Variants in PCDHGA9 observed in about 807,000 individuals in gnomAD.
PCDHGA9 encodes the protein protocadherin gamma subfamily A, 9.
Under a neutral mutation model 62.5 loss-of-function variants are expected in PCDHGA9, and 37 were observed. That is an observed-to-expected ratio of 0.59 (90% CI 0.46 to 0.78). PCDHGA9 has a LOEUF of 0.78. PCDHGA9 is among the 30% of genes least tolerant of loss of function. The pLI, the probability that PCDHGA9 is intolerant of heterozygous loss-of-function variation, is 0.00. For missense variants in PCDHGA9, 1,138 were observed against 1,166.2 expected (o/e 0.98, Z 0.35); for synonymous variants, 459 against 484.6 (o/e 0.95, Z 0.69).
At chr5:141,429,091 T>A (rs985605582) in intron 1 of PCDHGA9, 2 of 152,160 alleles carry the variant, frequency 1.3e-5, no homozygotes, top group African/African-American at 4.8e-5. Flanking sequence ...CCTGACCTCG[T>A]GATCTGCCCG....
intron 1 of PCDHGA9, chr5:141,421,453 T>G: frequency 1.2e-6 from 2 of 1,614,102 alleles, no homozygotes; most frequent in Middle Eastern, 1.6e-4. Context: ...GACACAGCTT[T>G]TCGCTGTGAA....
chr5:141,413,567 A>G (rs950241336), intron 1 of PCDHGA9: 2 of 1,613,936 alleles, frequency 1.2e-6, no homozygotes, highest in Admixed American at 1.7e-5. Context: ...ACTGATATCA[A>G]TGACAATGCT....
chr5:141,509,179 C>T (rs895281717), intron 3 of PCDHGA9, among the ~76,000 whole-genome samples: 1 of 152,172 alleles, frequency 6.6e-6, no homozygotes, highest in African/African-American at 2.4e-5. Flanking sequence ...TCCTCTTATG[C>T]CGGCTTGAAA....
At chr5:141,418,436 G>A in intron 1 of PCDHGA9, 1 of 1,614,000 alleles carries the variant, frequency 6.2e-7, no homozygotes. Flanking sequence ...CAAATATCCA[G>A]AATTAGTATT....
chr5:141,453,784 G>T (rs767312144), intron 1 of PCDHGA9, among the ~76,000 whole-genome samples: 47 of 152,298 alleles, frequency 3.1e-4, no homozygotes, highest in Non-Finnish European at 5.6e-4. Flanking sequence ...AGTTACCATG[G>T]TATATTAACT....
At position 141,403,020 on chromosome 5, in the gene PCDHGA9, T is replaced by A. The variant is rs761279674; in HGVS notation, c.68T>A (p.Leu23Gln). The part of the protein sequence containing the change: ...LVLLCSLLGM[L>Q]WEARASQIRY... ...CTGCTATGCTCGCTCCTGGGGATGCTATGGGAGGCCAGGGCCAGTCAGATT... is the reference window on the plus strand; with the variant it reads ...CTGCTATGCTCGCTCCTGGGGATGCAATGGGAGGCCAGGGCCAGTCAGATT... The change falls in exon 1 of 4, where the codon CTA becomes CAA. Residue 23 changes from leucine (L) to glutamine (Q), a missense_variant. Leu to Gln is a moderately radical substitution (Grantham distance 113). Transcript: ENST00000573521. The A allele has an allele frequency of 8.1e-6, 13 of 1,614,034 alleles. 1 individual carries two copies. The South Asian group carries it at 1.4e-4, about 18-fold the overall frequency.
rs751976949 is a variant in PCDHGA9, at chr5:141,414,873, C to A, written c.2424+9497C>A. The A allele has an allele frequency of 6.2e-6, 10 of 1,614,108 alleles. No homozygotes were observed. The Admixed American group carries it at 1.2e-4, about 19-fold the overall frequency. ...ACCAGAACGACAATGCGCCCGAGAT[C>A]CTGTACCCCGCCCTCCCCACAGACG... On this transcript the variant is annotated intron_variant, in intron 1 of 3. Transcript: ENST00000573521.
chr5:141,492,691 C>G (rs2099743102), intron 1 of PCDHGA9, among the ~76,000 whole-genome samples: 1 of 152,274 alleles, frequency 6.6e-6, no homozygotes, highest in South Asian at 2.1e-4. Flanking sequence ...TCGGCGACCC[C>G]TCAACCCAGA....
At chr5:141,422,053 G>A in intron 1 of PCDHGA9, 1 of 1,611,606 alleles carries the variant, frequency 6.2e-7, no homozygotes, top group Non-Finnish European at 8.5e-7. Context: ...GGGAATCAAC[G>A]GGGAAGTAAT....
rs540507159 is a variant in PCDHGA9 at position 141,422,671 on chromosome 5, A to G, written c.2424+17295A>G. On this transcript the variant is annotated intron_variant, in intron 1 of 3. Coordinates refer to ENST00000573521, the MANE Select transcript of PCDHGA9 (RefSeq NM_018921.3). The stretch of plus-strand genomic sequence containing the variant: ...CTCAGTGACCGCCCTCGACCCGGAC[A>G]GCAAACAGAATGCCCTGGTCACTTA... 4 of 1,607,248 alleles carry G rather than the reference A, an allele frequency of 2.5e-6. No homozygotes were observed. The Admixed American group carries it at 5.0e-5, about 20-fold the overall frequency.
rs2096301395 is a variant in PCDHGA9, at chr5:141,418,913, C to A, written c.2424+13537C>A. On this transcript the variant is annotated intron_variant, in intron 1 of 3. Coordinates refer to ENST00000573521, the MANE Select transcript of PCDHGA9 (RefSeq NM_018921.3). ...CAGCCCAGAAATAATCATCACGTCA[C>A]TCTCTGATCAGATTATGGAGGATTC... The A allele has an allele frequency of 2.5e-6, 4 of 1,613,946 alleles. No homozygotes were observed. The highest frequency in any genetic ancestry group is 3.4e-6 in the Non-Finnish European group (4 of 1,179,822).
intron 1 of PCDHGA9, among the ~76,000 whole-genome samples, chr5:141,461,906 C>A (rs2154567542): frequency 6.6e-6 from 1 of 152,270 alleles, no homozygotes; most frequent in South Asian, 2.1e-4. Context: ...TCACTGCAAC[C>A]TCTGCCTCCT....
chr5:141,440,464 G>A (rs2003094), intron 1 of PCDHGA9: 3,293 of 152,144 alleles, frequency 0.022, 52 homozygotes, highest in South Asian at 0.038. Context: ...ATGAACAAAC[G>A]GTAGTTGAAA....
At chr5:141,443,209 C>T (rs1183847804) in intron 1 of PCDHGA9, among the ~76,000 whole-genome samples, 2 of 152,030 alleles carry the variant, frequency 1.3e-5, no homozygotes, top group African/African-American at 2.4e-5. Flanking sequence ...GAGCTTGTCT[C>T]GCCAGGCGCA....
chr5:141,467,990 A>G (rs1593103654), intron 1 of PCDHGA9, among the ~76,000 whole-genome samples: 2 of 152,052 alleles, frequency 1.3e-5, no homozygotes, highest in South Asian at 2.1e-4. Context: ...GAAAACCACA[A>G]TTCTTTCTTC....
intron 1 of PCDHGA9, chr5:141,413,362 C>G: frequency 1.2e-6 from 2 of 1,613,988 alleles, no homozygotes; most frequent in South Asian, 1.1e-5. Context: ...GCCCCGGGAG[C>G]TGGCGGAGCG....
intron 1 of PCDHGA9, chr5:141,408,068 C>G: frequency 7.3e-7 from 1 of 1,367,282 alleles, no homozygotes; most frequent in Non-Finnish European, 9.7e-7. Flanking sequence ...GCTGCGCAGA[C>G]CTTTCCCAGC....
At chr5:141,428,055 G>T in intron 1 of PCDHGA9, 1 of 1,609,070 alleles carries the variant, frequency 6.2e-7, no homozygotes, top group Non-Finnish European at 8.5e-7. Context: ...CAAGGTGGTG[G>T]CGGTGGACGC....
intron 1 of PCDHGA9, among the ~76,000 whole-genome samples, chr5:141,472,908 C>T (rs1369506606): frequency 1.3e-5 from 2 of 149,744 alleles, no homozygotes; most frequent in African/African-American, 2.5e-5. Context: ...ATTGCTTGAA[C>T]CCAAGAGGAG....
Sources: gnomAD v4.1 joint callset for allele counts (sites outside exome capture counted in the v4.1 genomes callset) on GRCh38, gnomAD v4.1.1 for gene constraint, MANE v1.5 for transcripts, NCBI Gene and HGNC (gene_info 2026-07-23, HGNC 2026-07-21) for gene names.